The following SMARCC1 variants were observed in gnomAD, a reference collection of about 807,000 sequenced individuals.
SMARCC1 encodes the protein SWI/SNF complex subunit SMARCC1.
In SMARCC1, 43 loss-of-function variants were observed where a neutral mutation model predicts 147.4. The ratio of observed to expected loss-of-function variants is 0.29; its 90% CI spans 0.23 to 0.38. The LOEUF is 0.38. SMARCC1 is among the 10% of genes least tolerant of loss of function. The probability of loss-of-function intolerance (pLI) is 1.00; values close to 1 mark genes in which losing one functional copy is unlikely to be tolerated. For synonymous variants in SMARCC1, 495 were observed against 484.4 expected (o/e 1.02, Z -0.29); for missense variants, 1,119 against 1,381.1 (o/e 0.81, Z 3.01).
intron 24 of SMARCC1, among the ~76,000 whole-genome samples, chr3:47,626,024 C>T (rs2032804076): frequency 6.6e-6 from 1 of 152,104 alleles, no homozygotes; most frequent in African/African-American, 2.4e-5. Flanking sequence ...CATGGTAGCA[C>T]ATTCCTATAG....
chr3:47,738,773 C>T (rs962721190), intron 3 of SMARCC1, among the ~76,000 whole-genome samples: 2 of 152,158 alleles, frequency 1.3e-5, no homozygotes, highest in Admixed American at 1.3e-4. Context: ...TCTAATACAG[C>T]TGTAAGACTT....
At chr3:47,711,053 A>G (rs950941486) in intron 8 of SMARCC1, among the ~76,000 whole-genome samples, 1 of 152,188 alleles carries the variant, frequency 6.6e-6, no homozygotes, top group Non-Finnish European at 1.5e-5. Context: ...AAGTCCCTCA[A>G]ATTTGTTTTG....
At chr3:47,656,168 G>A (rs1321192916) in intron 21 of SMARCC1, among the ~76,000 whole-genome samples, 1 of 151,746 alleles carries the variant, frequency 6.6e-6, no homozygotes, top group Non-Finnish European at 1.5e-5. Context: ...CCAAGATCAC[G>A]CCACTGCACT....
chr3:47,626,884 T>C (rs1205402207), intron 24 of SMARCC1, among the ~76,000 whole-genome samples: 3 of 152,166 alleles, frequency 2.0e-5, no homozygotes, highest in Non-Finnish European at 1.5e-5. Context: ...ATTCTGAGAC[T>C]ACATGGAGTG....
At chr3:47,723,325 TAGA>T (rs1276104985) in intron 6 of SMARCC1, among the ~76,000 whole-genome samples, 5 of 147,800 alleles carry the variant, frequency 3.4e-5, no homozygotes, top group Non-Finnish European at 5.9e-5. Context: ...TTAGCTTAGA[TAGA>T]AGAACAGAAT....
chr3:47,603,045 T>A (rs1034073783), intron 26 of SMARCC1, among the ~76,000 whole-genome samples: 3 of 152,162 alleles, frequency 2.0e-5, no homozygotes, highest in African/African-American at 7.2e-5. Flanking sequence ...ACACTAGATT[T>A]CTGTCATTTC....
chr3:47,624,876 C>G (rs552901297), intron 24 of SMARCC1, among the ~76,000 whole-genome samples: 1 of 147,564 alleles, frequency 6.8e-6, no homozygotes, highest in South Asian at 2.2e-4. Flanking sequence ...ATAGTAAAAC[C>G]CTGTCTGTAC....
At chr3:47,599,695 C>T (rs564327325) in intron 26 of SMARCC1, among the ~76,000 whole-genome samples, 88 of 152,280 alleles carry the variant, frequency 5.8e-4, no homozygotes, top group African/African-American at 1.4e-3. Flanking sequence ...TGCTCAGAGA[C>T]GACGTGATGC....
intron 11 of SMARCC1, among the ~76,000 whole-genome samples, chr3:47,695,694 C>T (rs752285039): frequency 5.5e-4 from 77 of 141,080 alleles, no homozygotes; most frequent in Admixed American, 3.7e-3. Flanking sequence ...ACGAACCCGG[C>T]GGAGGTTGCA....
chr3:47,775,111 A>G (rs1401736574), intron 1 of SMARCC1, among the ~76,000 whole-genome samples: 12 of 151,530 alleles, frequency 7.9e-5, no homozygotes, highest in African/African-American at 2.9e-4. Context: ...TGGCCCATAT[A>G]CTTTCAAGTG....
chr3:47,599,373 ACT>A (rs1394866753), intron 26 of SMARCC1, among the ~76,000 whole-genome samples: 1 of 152,146 alleles, frequency 6.6e-6, no homozygotes, highest in Admixed American at 6.5e-5. Context: ...ACAAAAGCAA[ACT>A]CTGCCTCAAA....
At chr3:47,755,989 TAAAAAAAAA>T (rs34001771) in intron 2 of SMARCC1, among the ~76,000 whole-genome samples, 6 of 22,892 alleles carry the variant, frequency 2.6e-4, no homozygotes, top group African/African-American at 5.0e-4. Context: ...GGCTTCATCT[TAAAAAAAAA>T]AAAAAAAAAA....
intron 9 of SMARCC1, among the ~76,000 whole-genome samples, chr3:47,710,043 G>A (rs1408809906): frequency 6.6e-6 from 1 of 152,172 alleles, no homozygotes; most frequent in Non-Finnish European, 1.5e-5. Flanking sequence ...CAGGTCGGGT[G>A]TGGTGGCTCA....
chr3:47,776,196 AATAC>A (rs2034972918), intron 1 of SMARCC1, among the ~76,000 whole-genome samples: 1 of 152,148 alleles, frequency 6.6e-6, no homozygotes, highest in South Asian at 2.1e-4. Context: ...AAACTGACAA[AATAC>A]ATTGTACTTA....
At chr3:47,661,199 T>C in intron 21 of SMARCC1, 95 bp downstream of exon 21, 1 of 1,023,106 alleles carries the variant, frequency 9.8e-7, no homozygotes, top group African/African-American at 1.6e-5. Context: ...ATCATTGTAC[T>C]CACTTTTTAG....
intron 2 of SMARCC1, among the ~76,000 whole-genome samples, chr3:47,746,615 A>G (rs1371934633): frequency 6.6e-6 from 1 of 152,110 alleles, no homozygotes; most frequent in Admixed American, 6.6e-5. Flanking sequence ...CCCCTCCCCA[A>G]AAGAATTCCT....
Position 47,717,554 on chromosome 3 carries a change from T to C in SMARCC1, c.717-3064A>G, listed in dbSNP as rs180798660. ...CAATCGTGTCATTTAATTGACAACATTGACTGGATTTTTATTTTTATTTTT... is the reference window on the plus strand; with the variant it reads ...CAATCGTGTCATTTAATTGACAACACTGACTGGATTTTTATTTTTATTTTT... On this transcript the variant is annotated intron_variant, in intron 7 of 27. Transcript: ENST00000254480. Among the ~76,000 whole-genome samples the C allele has an allele frequency of 8.9e-4, 135 of 152,270 alleles. 1 individual carries two copies. Among genetic ancestry groups the C allele is most frequent in the African/African-American group, 2.6e-3 (106 of 41,566 alleles).
At chr3:47,595,252 G>A (rs2106643775) in intron 26 of SMARCC1, among the ~76,000 whole-genome samples, 1 of 152,306 alleles carries the variant, frequency 6.6e-6, no homozygotes, top group East Asian at 1.9e-4. Flanking sequence ...GGCCAAGCGG[G>A]CGCGATGGCT....
chr3:47,767,234 T>G (rs2034851188), intron 2 of SMARCC1, among the ~76,000 whole-genome samples: 1 of 148,768 alleles, frequency 6.7e-6, no homozygotes, highest in South Asian at 2.1e-4. Context: ...TTTTTTTCTT[T>G]TCCTTTTTCT....
Sources: allele counts gnomAD v4.1 joint callset (sites outside exome capture counted in the v4.1 genomes callset), GRCh38; gene constraint gnomAD v4.1.1; transcripts MANE v1.5; gene names NCBI Gene and HGNC (gene_info 2026-07-23, HGNC 2026-07-21).